Variants in DCK observed in about 807,000 individuals in gnomAD.
DCK encodes deoxyadenosine kinase.
Under a neutral mutation model 38.3 loss-of-function variants are expected in DCK, and 23 were observed. That is an observed-to-expected ratio of 0.60 (90% CI 0.43 to 0.85). DCK has a LOEUF of 0.85. Among genes scored for constraint, DCK ranks in the 40% least tolerant of loss-of-function variants. The probability of loss-of-function intolerance (pLI) is 0.00; values close to 1 mark genes in which losing one functional copy is unlikely to be tolerated. For missense variants in DCK, 259 were observed against 304.4 expected (o/e 0.85, Z 1.11); for synonymous variants, 108 against 100.6 (o/e 1.07, Z -0.44).
chr4:71,017,308 G>C (rs573162595), intron 2 of DCK, among the ~76,000 whole-genome samples: 1 of 152,250 alleles, frequency 6.6e-6, no homozygotes, highest in East Asian at 1.9e-4. Context: ...GTGGAGAAAT[G>C]GGAACACTTT....
At chr4:71,004,758 T>C (rs1739898068) in intron 2 of DCK, among the ~76,000 whole-genome samples, 1 of 152,208 alleles carries the variant, frequency 6.6e-6, no homozygotes, top group Admixed American at 6.5e-5. Flanking sequence ...GTTTACACTG[T>C]GAGGGGAAAA....
chr4:71,018,557 G>A (rs192391733), intron 2 of DCK, among the ~76,000 whole-genome samples: 2 of 151,684 alleles, frequency 1.3e-5, no homozygotes, highest in East Asian at 3.9e-4. Context: ...TGTATTTAAT[G>A]TAGTTTCACT....
chr4:70,999,771 G>A (rs1189686346), intron 2 of DCK, among the ~76,000 whole-genome samples: 2 of 152,138 alleles, frequency 1.3e-5, no homozygotes, highest in Non-Finnish European at 2.9e-5. Context: ...TCTAATGACT[G>A]GTGATGATGA....
At chr4:71,019,636 C>T (rs1194110105) in intron 2 of DCK, among the ~76,000 whole-genome samples, 1 of 152,124 alleles carries the variant, frequency 6.6e-6, no homozygotes, top group Non-Finnish European at 1.5e-5. Context: ...TAAAACATAT[C>T]ATCTAAAAGA....
In DCK at chr4:71,026,647, AT is replaced by A. The variant is rs1461670202; in HGVS notation, c.666-17del. ...TGTTGAATTTCTGATTATTTTATTA[AT>A]CTCTCTTTTTAAACAGAACCAACTT... On this transcript the variant is annotated splice_polypyrimidine_tract_variant and intron_variant, in intron 5 of 6. Coordinates refer to ENST00000286648, the MANE Select transcript of DCK (RefSeq NM_000788.3). 1 of 1,173,982 alleles carries A rather than the reference AT, an allele frequency of 8.5e-7. No homozygotes were observed. Among genetic ancestry groups the A allele is most frequent in the Non-Finnish European group, 1.3e-6 (1 of 795,718 alleles). 72.7% of individuals were successfully genotyped at this position (1,173,982 alleles called of 1,614,324 possible).
chr4:70,993,858 G>T lies in DCK; in HGVS notation c.23G>T (p.Ser8Ile). 1 of 1,613,936 alleles carries T rather than the reference G, an allele frequency of 6.2e-7. No individual in the cohort carries two copies. The highest frequency in any genetic ancestry group is 1.1e-5 in the South Asian group (1 of 91,042). Reference sequence around the variant, plus strand: ...GGAATGGCCACCCCGCCCAAGAGAAGCTGCCCGTCTTTCTCAGCCAGCTCT... The same window carrying T: ...GGAATGGCCACCCCGCCCAAGAGAATCTGCCCGTCTTTCTCAGCCAGCTCT... MATPPKR[S>I]CPSFSASSEG... Residue 8 changes from serine to isoleucine, a missense_variant, in exon 1 of 7, where the codon AGC becomes ATC. Physicochemically the swap from Ser to Ile is moderately radical, Grantham distance 142 (BLOSUM62 -2). Around this residue, in one of 3 missense-constraint regions of DCK, gnomAD observed 159 missense variants for 159.0 expected, o/e 1.00. Coordinates refer to ENST00000286648, the MANE Select transcript of DCK (RefSeq NM_000788.3).
At position 71,022,426 on chromosome 4, in the gene DCK, TG is replaced by T; in HGVS notation, c.268del (p.Glu90AsnfsTer16). On this transcript the variant is annotated frameshift_variant, in exon 3 of 7. Transcript: ENST00000286648. LOFTEE classifies it high-confidence loss of function. ...NVLQMMYEKP[E>X]RWSFTFQTYA... The stretch of plus-strand genomic sequence containing the variant: ...TTCTTCAGATGATGTATGAGAAACC[TG>T]AACGATGGTCTTTTACCTTCCAAAC... 1.2e-6 allele frequency: 2 copies of T among 1,605,774 alleles called. No homozygotes were observed. Among genetic ancestry groups the T allele is most frequent in the Non-Finnish European group, 1.7e-6 (2 of 1,176,916 alleles).
intron 2 of DCK, among the ~76,000 whole-genome samples, chr4:71,004,992 G>A (rs1578420460): frequency 2.0e-5 from 3 of 151,920 alleles, no homozygotes; most frequent in Admixed American, 2.0e-4. Flanking sequence ...GGAGTGAACG[G>A]TTCTGTCTCG....
intron 2 of DCK, among the ~76,000 whole-genome samples, chr4:71,017,115 C>T (rs1740291769): frequency 6.6e-6 from 1 of 152,168 alleles, no homozygotes; most frequent in South Asian, 2.1e-4. Context: ...AAAAAGTGGG[C>T]AAAGGATATG....
intron 2 of DCK, among the ~76,000 whole-genome samples, chr4:71,000,385 C>G (rs748193139): frequency 1.3e-5 from 2 of 152,144 alleles, no homozygotes; most frequent in Non-Finnish European, 2.9e-5. Context: ...GTCTATAGCT[C>G]TGTTTTGGTA....
chr4:71,022,998 G>C (rs747420778), intron 3 of DCK, among the ~76,000 whole-genome samples: 8 of 152,084 alleles, frequency 5.3e-5, no homozygotes, highest in Non-Finnish European at 1.0e-4. Context: ...TCAAACATTT[G>C]ATCTCAGGGC....
At chr4:70,996,837 A>G (rs1044153795) in intron 1 of DCK, among the ~76,000 whole-genome samples, 5 of 152,246 alleles carry the variant, frequency 3.3e-5, no homozygotes, top group African/African-American at 1.2e-4. Context: ...AATGACTTTC[A>G]GCATTATAAT....
At chr4:71,022,825 C>T (rs1373736309) in intron 3 of DCK, among the ~76,000 whole-genome samples, 3 of 152,044 alleles carry the variant, frequency 2.0e-5, no homozygotes, top group Non-Finnish European at 4.4e-5. Flanking sequence ...AGTTGTTTTT[C>T]CCTCTAACCC....
chr4:70,998,267 A>G lies in DCK; in HGVS notation c.207+85A>G, dbSNP rs565291721. On this transcript the variant is annotated intron_variant, in intron 2 of 6. Transcript: ENST00000286648. ...AATCTCTTTTTCTTTTTCTTTTTCAATAAAACTTTCAAATCTCGCTTTAGG... is the reference window on the plus strand; with the variant it reads ...AATCTCTTTTTCTTTTTCTTTTTCAGTAAAACTTTCAAATCTCGCTTTAGG... The G allele has an allele frequency of 2.7e-4, 167 of 624,306 alleles. 1 individual carries two copies. In the Middle Eastern group the frequency reaches 3.2e-3, roughly 12 times the overall value. The allele number at this position is 624,306 out of a possible 1,614,324, so 38.7% of individuals were successfully genotyped here.
intron 3 of DCK, 103 bp from the exon 4 acceptor site, chr4:71,023,456 T>G: frequency 1.3e-6 from 1 of 763,544 alleles, no homozygotes; most frequent in Non-Finnish European, 2.1e-6. Context: ...CGGCACTATG[T>G]GCCACTGGAT....
chr4:71,023,309 A>G (rs1740473834), intron 3 of DCK, among the ~76,000 whole-genome samples: 1 of 152,174 alleles, frequency 6.6e-6, no homozygotes, highest in African/African-American at 2.4e-5. Flanking sequence ...TTTGAAGTAT[A>G]TTGGTATATG....
At chr4:71,016,487 G>T (rs1032279892) in intron 2 of DCK, among the ~76,000 whole-genome samples, 1 of 152,146 alleles carries the variant, frequency 6.6e-6, no homozygotes, top group Admixed American at 6.5e-5. Context: ...TAAATCCTAA[G>T]CCAAAAGAAC....
chr4:71,024,535 C>T (rs1181476867), intron 4 of DCK, among the ~76,000 whole-genome samples: 1 of 152,058 alleles, frequency 6.6e-6, no homozygotes, highest in Non-Finnish European at 1.5e-5. Context: ...GTTATGACTT[C>T]TGGCCTAAAA....
Position 71,010,518 on chromosome 4 carries a change from T to G in DCK, c.208-11849T>G, listed in dbSNP as rs1182778499. On this transcript the variant is annotated intron_variant, in intron 2 of 6. Coordinates refer to ENST00000286648, the MANE Select transcript of DCK (RefSeq NM_000788.3). Reference sequence around the variant, plus strand: ...GTTTTTTCATTGAGCTGAATTCTTTTGGAGGATCACTATTATTGTGAAGTA... The same window carrying G: ...GTTTTTTCATTGAGCTGAATTCTTTGGGAGGATCACTATTATTGTGAAGTA... Among the ~76,000 whole-genome samples, 4 of 150,638 alleles carry G rather than the reference T, an allele frequency of 2.7e-5. No homozygotes were observed. The East Asian group carries it at 5.8e-4, about 22-fold the overall frequency.
Sources: gnomAD v4.1 joint callset for allele counts (sites outside exome capture counted in the v4.1 genomes callset) on GRCh38, gnomAD v4.1.1 for gene constraint, gnomAD v4.1.1 regional missense constraint, MANE v1.5 for transcripts, NCBI Gene and HGNC (gene_info 2026-07-23, HGNC 2026-07-21) for gene names.